The following MOB3B variants were observed in gnomAD, a reference collection of about 807,000 sequenced individuals.
MOB3B encodes MOB kinase activator 3B, also known as MOB kinase activator-like 2B.
MOB3B carries 7 observed loss-of-function variants against 18.7 expected under a neutral mutation model. That is an observed-to-expected ratio of 0.37 (90% CI 0.21 to 0.70). MOB3B has a LOEUF of 0.70. MOB3B is among the 30% of genes least tolerant of loss of function. The pLI is 0.52. For synonymous variants in MOB3B, 111 were observed against 99.9 expected (o/e 1.11, Z -0.66); for missense variants, 253 against 281.3 (o/e 0.90, Z 0.72).
At chr9:27,429,647 CT>C (rs1476805883) in intron 2 of MOB3B, among the ~76,000 whole-genome samples, 10 of 152,232 alleles carry the variant, frequency 6.6e-5, no homozygotes, top group African/African-American at 2.4e-4. Context: ...GCACTGGAGA[CT>C]GAGAATCTGG....
At chr9:27,491,593 G>T (rs1003492328) in intron 1 of MOB3B, among the ~76,000 whole-genome samples, 2 of 152,206 alleles carry the variant, frequency 1.3e-5, no homozygotes. Context: ...CAATATAGGT[G>T]GTTGGGCACG....
At chr9:27,378,158 T>C (rs1821519195) in intron 2 of MOB3B, 2 of 351,734 alleles carry the variant, frequency 5.7e-6, no homozygotes, top group East Asian at 7.5e-5. Flanking sequence ...TAGCTAGTAA[T>C]AAGGATCTTC....
intron 1 of MOB3B, among the ~76,000 whole-genome samples, chr9:27,528,035 C>G (rs376091280): frequency 6.6e-6 from 1 of 152,148 alleles, no homozygotes; most frequent in East Asian, 1.9e-4. Context: ...TGTGTTGCGT[C>G]GTCTGAGTCC....
chr9:27,485,382 C>G (rs2131482068), intron 1 of MOB3B, among the ~76,000 whole-genome samples: 1 of 152,332 alleles, frequency 6.6e-6, no homozygotes, highest in Middle Eastern at 3.4e-3. Flanking sequence ...AAACCCACCT[C>G]TGCTGGCTCT....
chr9:27,455,163 T>C lies in MOB3B; in HGVS notation c.388A>G (p.Asn130Asp), dbSNP rs1822851283. 4.3e-6 allele frequency: 7 copies of C among 1,614,186 alleles called. No homozygotes were observed. The highest frequency in any genetic ancestry group is 5.9e-6 in the Non-Finnish European group (7 of 1,180,022). ...LLMDWIEVQINNEEIFPTCVG... is the reference protein window; with the variant it reads ...LLMDWIEVQIDNEEIFPTCVG... Reference sequence around the variant, plus strand: ...CATGTTGGAAATATTTCCTCGTTGTTGATCTGAACCTCAATCCAATCCATA... The same window carrying C: ...CATGTTGGAAATATTTCCTCGTTGTCGATCTGAACCTCAATCCAATCCATA... Residue 130 changes from asparagine (N) to aspartate (D), a missense_variant, in exon 2 of 4, where the codon AAC becomes GAC. Asn to Asp is a conservative substitution (Grantham distance 23). Transcript: ENST00000262244.
chr9:27,353,510 A>C (rs893339903), intron 3 of MOB3B, among the ~76,000 whole-genome samples: 2 of 152,176 alleles, frequency 1.3e-5, no homozygotes, highest in Non-Finnish European at 2.9e-5. Context: ...CTGTGGTAAC[A>C]TTGGTTTTCA....
intron 1 of MOB3B, among the ~76,000 whole-genome samples, chr9:27,483,434 T>C (rs972319249): frequency 1.3e-5 from 2 of 152,150 alleles, no homozygotes; most frequent in African/African-American, 4.8e-5. Flanking sequence ...GCCCGGCCAA[T>C]ATATGGTACT....
intron 1 of MOB3B, among the ~76,000 whole-genome samples, chr9:27,472,719 T>G (rs1476479228): frequency 6.9e-6 from 1 of 145,754 alleles, no homozygotes; most frequent in Non-Finnish European, 1.5e-5. Flanking sequence ...CTCCCTGAGT[T>G]TAAACAGTGT....
In MOB3B at chr9:27,468,889, T is replaced by C. The variant is rs532538431; in HGVS notation, c.-198-13141A>G. On this transcript the variant is annotated intron_variant, in intron 1 of 3. Coordinates refer to ENST00000262244, the MANE Select transcript of MOB3B (RefSeq NM_024761.5). ...TCAACAGTGGCTACTGGACATGATG[T>C]TTCCCAGGCCAATCTAAACAGCTCC... is the stretch of plus-strand genomic sequence containing the variant. Among the ~76,000 whole-genome samples, 6 of 152,270 alleles carry C rather than the reference T, an allele frequency of 3.9e-5. No individual in the cohort carries two copies. In the East Asian group the frequency reaches 1.2e-3, roughly 29 times the overall value.
intron 2 of MOB3B, among the ~76,000 whole-genome samples, chr9:27,436,938 A>G (rs561206402): frequency 4.1e-5 from 6 of 145,222 alleles, no homozygotes; most frequent in African/African-American, 1.5e-4. Context: ...CTTTCCAGAC[A>G]CAAGGAACAG....
chr9:27,362,709 C>T (rs1821290807), intron 2 of MOB3B, among the ~76,000 whole-genome samples: 1 of 152,194 alleles, frequency 6.6e-6, no homozygotes, highest in Non-Finnish European at 1.5e-5. Flanking sequence ...TAGGAAACCC[C>T]ACTGGGTTCT....
chr9:27,512,995 A>G (rs542315449), intron 1 of MOB3B, among the ~76,000 whole-genome samples: 2 of 152,266 alleles, frequency 1.3e-5, no homozygotes, highest in African/African-American at 4.8e-5. Flanking sequence ...TCAACCTAAG[A>G]CCAATTAAGT....
chr9:27,529,537 G>C lies in MOB3B; in HGVS notation c.-199+18C>G, dbSNP rs1175886907. 1.0e-6 allele frequency: 1 copy of C among 985,022 alleles called. No homozygotes were observed. Among genetic ancestry groups the C allele is most frequent in the Admixed American group, 6.1e-5 (1 of 16,270 alleles). 61.0% of individuals were successfully genotyped at this position (985,022 alleles called of 1,614,324 possible). The stretch of plus-strand genomic sequence containing the variant: ...GGGCTGCGCCGCCTCCCCTAGCTTG[G>C]AGCGGGTTCTTACTCACCGTGGGGT... On this transcript the variant is annotated intron_variant, in intron 1 of 3. Transcript: ENST00000262244.
chr9:27,410,842 C>A (rs1439898583), intron 2 of MOB3B, among the ~76,000 whole-genome samples: 1 of 152,122 alleles, frequency 6.6e-6, no homozygotes, highest in Non-Finnish European at 1.5e-5. Flanking sequence ...AATTATCTTT[C>A]TCTCTATATA....
chr9:27,432,652 C>T (rs1054065411), intron 2 of MOB3B, among the ~76,000 whole-genome samples: 2 of 152,090 alleles, frequency 1.3e-5, no homozygotes, highest in East Asian at 1.9e-4. Context: ...TTGAGAGGAT[C>T]CTGGAAGTTG....
At chr9:27,356,904 C>G (rs1821197626) in intron 3 of MOB3B, among the ~76,000 whole-genome samples, 1 of 151,594 alleles carries the variant, frequency 6.6e-6, no homozygotes, top group Non-Finnish European at 1.5e-5. Flanking sequence ...GCTGTTTACC[C>G]AAAACAGCCT....
At chr9:27,384,654 A>G (rs971222299) in intron 2 of MOB3B, among the ~76,000 whole-genome samples, 2 of 152,218 alleles carry the variant, frequency 1.3e-5, no homozygotes, top group Non-Finnish European at 2.9e-5. Context: ...AACGTGCTTT[A>G]GGACTGGAAG....
At position 27,330,291 on chromosome 9, in the gene MOB3B, C is replaced by T. The variant is rs893427817; in HGVS notation, c.*296G>A. The T allele has an allele frequency of 2.2e-5, 7 of 312,316 alleles. No homozygotes were observed. In the South Asian group the frequency reaches 2.6e-4, roughly 12 times the overall value. 19.3% of individuals were successfully genotyped at this position (312,316 alleles called of 1,614,324 possible). A position where few individuals can be genotyped will look rare whatever the true frequency, so the allele number is the denominator to read the frequency against. On this transcript the variant is annotated 3_prime_UTR_variant, in exon 4 of 4. Transcript: ENST00000262244. ...GCGGCAGGTCACAGGCAGAACTGTGCCATGTGTGGAAGTGCAGAGGCTTCC... is the reference window on the plus strand; with the variant it reads ...GCGGCAGGTCACAGGCAGAACTGTGTCATGTGTGGAAGTGCAGAGGCTTCC...
intron 2 of MOB3B, among the ~76,000 whole-genome samples, 160 bp from the exon 3 acceptor site, chr9:27,359,396 A>T (rs1051786438): frequency 1.7e-4 from 24 of 139,316 alleles, no homozygotes; most frequent in Admixed American, 1.6e-3. Context: ...GGGGGTTGGT[A>T]GCAAACTAGA....
Sources: allele counts gnomAD v4.1 joint callset (sites outside exome capture counted in the v4.1 genomes callset), GRCh38; gene constraint gnomAD v4.1.1; transcripts MANE v1.5; gene names NCBI Gene and HGNC (gene_info 2026-07-23, HGNC 2026-07-21).